SATL1: variants seen among roughly 807,000 people sequenced by gnomAD.
The protein encoded by SATL1 is spermidine/spermine N(1)-acetyltransferase-like protein 1.
A neutral mutation model predicts 51.8 loss-of-function variants in SATL1; 47 were observed. The ratio of observed to expected loss-of-function variants is 0.91; its 90% CI spans 0.72 to 1.16. SATL1 has a LOEUF of 1.16. Ranked by LOEUF, SATL1 falls within the 50% of genes most tolerant of loss-of-function variation. The pLI is 0.00. For synonymous variants in SATL1, 176 were observed against 182.4 expected (o/e 0.97, Z 0.28); for missense variants, 520 against 526.4 (o/e 0.99, Z 0.12).
At chrX:85,236,558 C>T (rs1291145067) in intron 1 of SATL1, among the ~76,000 whole-genome samples, 4 of 111,428 alleles carry the variant, frequency 3.6e-5, no homozygotes, top group Non-Finnish European at 5.7e-5. Context: ...CGATGTGATA[C>T]ATCATACTAA....
At position 85,107,763 on chromosome X, in the gene SATL1, G is replaced by A. The variant is rs1239787554; in HGVS notation, c.1206C>T (p.Ser402=). 8.3e-7 allele frequency: 1 copy of A among 1,209,891 alleles called. No individual in the cohort carries two copies. The highest frequency in any genetic ancestry group is 1.1e-6 in the Non-Finnish European group (1 of 895,170). The change falls in exon 3 of 8, where the codon AGC becomes AGT. Residue 402 remains serine (S), a synonymous_variant. Coordinates refer to ENST00000644105, the MANE Select transcript of SATL1 (RefSeq NM_001367857.2). ...SQPSMRQVGT[S]QSGTSQIGMS... is the part of the protein sequence containing the mutation. ...TGCCTATTTGGCTTGTGCCTGATTGGCTGGTGCCTACTTGTCTCATGCTTG... is the reference window on the plus strand; with the variant it reads ...TGCCTATTTGGCTTGTGCCTGATTGACTGGTGCCTACTTGTCTCATGCTTG...
chrX:85,156,864 TATATAA>T (rs1183637863), intron 2 of SATL1, among the ~76,000 whole-genome samples: 26 of 49,103 alleles, frequency 5.3e-4, no homozygotes, highest in African/African-American at 2.0e-3. Context: ...TATATATATA[TATATAA>T]AATATGTAAA....
intron 2 of SATL1, among the ~76,000 whole-genome samples, chrX:85,153,016 C>T (rs1193957150): frequency 1.8e-5 from 2 of 109,665 alleles, no homozygotes; most frequent in African/African-American, 6.6e-5. Context: ...AATACATCGA[C>T]ATTTCTATGT....
chrX:85,161,960 A>T (rs746075200), intron 2 of SATL1, among the ~76,000 whole-genome samples: 1 of 111,705 alleles, frequency 9.0e-6, no homozygotes, highest in South Asian at 3.8e-4. Flanking sequence ...CGTACCAACC[A>T]CTCTCTCAGA....
intron 2 of SATL1, chrX:85,116,330 C>T (rs866391841): frequency 9.0e-6 from 1 of 111,725 alleles, no homozygotes; most frequent in Non-Finnish European, 1.9e-5. Flanking sequence ...AATTAATGTA[C>T]ACTTGGAAGA....
rs767206933 is a variant in SATL1 at position 85,212,441 on chromosome X, G to C, written c.-313+11764C>G. Among the ~76,000 whole-genome samples the C allele has an allele frequency of 2.7e-5, 3 of 111,215 alleles. No individual in the cohort carries two copies. In the East Asian group the frequency reaches 8.5e-4, roughly 32 times the overall value. On this transcript the variant is annotated intron_variant, in intron 2 of 7. Transcript: ENST00000644105. ...GAACACAGAAAATATTCCTTAACAA[G>C]AACCCTAGTTTGAGTGAGAAATAGA...
At position 85,147,773 on chromosome X, in the gene SATL1, G is replaced by A. The variant is rs1218947425; in HGVS notation, c.-312-38493C>T. Among the ~76,000 whole-genome samples, 7 of 112,181 alleles carry A rather than the reference G, an allele frequency of 6.2e-5. No homozygotes were observed. In the East Asian group the frequency reaches 2.0e-3, roughly 31 times the overall value. Reference sequence around the variant, plus strand: ...CTGCAGCTGAGGGTCCTGTCTGTTAGAAGGGAAACTAACAAACAGAAAGGA... The same window carrying A: ...CTGCAGCTGAGGGTCCTGTCTGTTAAAAGGGAAACTAACAAACAGAAAGGA... On this transcript the variant is annotated intron_variant, in intron 2 of 7. Coordinates refer to ENST00000644105, the MANE Select transcript of SATL1 (RefSeq NM_001367857.2).
chrX:85,152,521 T>C (rs763075334), intron 2 of SATL1, among the ~76,000 whole-genome samples: 53 of 111,546 alleles, frequency 4.8e-4, no homozygotes, highest in Non-Finnish European at 7.5e-4. Flanking sequence ...TGCACACGTA[T>C]GTTTATTGCG....
At chrX:85,132,736 C>G (rs112434588) in intron 2 of SATL1, among the ~76,000 whole-genome samples, 16,225 of 111,116 alleles carry the variant, frequency 0.15, 1,269 homozygotes, top group African/African-American at 0.29. Flanking sequence ...GGGGCACTCT[C>G]GTTTTTAGAG....
At chrX:85,118,019 G>A (rs1424924999) in intron 2 of SATL1, among the ~76,000 whole-genome samples, 2 of 106,572 alleles carry the variant, frequency 1.9e-5, no homozygotes, top group African/African-American at 3.4e-5. Context: ...AACGCAAGAT[G>A]GATCTGGGGG....
At chrX:85,128,545 T>A (rs1172459824) in intron 2 of SATL1, among the ~76,000 whole-genome samples, 1 of 112,486 alleles carries the variant, frequency 8.9e-6, no homozygotes, top group Non-Finnish European at 1.9e-5. Flanking sequence ...TTCTGGATAT[T>A]AGCCCTTTGT....
At chrX:85,125,860 A>T (rs1026308848) in intron 2 of SATL1, among the ~76,000 whole-genome samples, 1 of 110,400 alleles carries the variant, frequency 9.1e-6, no homozygotes, top group East Asian at 2.8e-4. Context: ...ATGAATTATG[A>T]TCTGTCTTCT....
intron 2 of SATL1, among the ~76,000 whole-genome samples, chrX:85,180,492 T>C (rs1187685648): frequency 2.7e-5 from 3 of 111,437 alleles, no homozygotes; most frequent in African/African-American, 9.8e-5. Context: ...AACACAATGG[T>C]ATGTGTGTAT....
intron 2 of SATL1, among the ~76,000 whole-genome samples, chrX:85,185,095 G>T (rs1927285040): frequency 8.9e-6 from 1 of 112,086 alleles, no homozygotes; most frequent in African/African-American, 3.2e-5. Context: ...GCCCCATAGT[G>T]GTACCACCTT....
Position 85,109,023 on chromosome X carries a change from G to A in SATL1, c.-55C>T. 9.4e-7 allele frequency: 1 copy of A among 1,061,419 alleles called. No individual in the cohort carries two copies. Among genetic ancestry groups the A allele is most frequent in the South Asian group, 2.1e-5 (1 of 47,144 alleles). The allele number at this position is 1,061,419 out of a possible 1,213,427, so 87.5% of individuals were successfully genotyped here. On this transcript the variant is annotated 5_prime_UTR_variant, in exon 3 of 8. Coordinates refer to ENST00000644105, the MANE Select transcript of SATL1 (RefSeq NM_001367857.2). ...GGATGGGGTGGCAGATGATGGGTTGGCAGACAACTGATTGGCTGATGGCTG... is the reference window on the plus strand; with the variant it reads ...GGATGGGGTGGCAGATGATGGGTTGACAGACAACTGATTGGCTGATGGCTG...
chrX:85,185,186 A>G (rs935128547), intron 2 of SATL1, among the ~76,000 whole-genome samples: 1 of 112,042 alleles, frequency 8.9e-6, no homozygotes, highest in African/African-American at 3.2e-5. Flanking sequence ...CATTTCCCTC[A>G]GTCTCTCTCT....
chrX:85,133,630 G>T (rs934886627), intron 2 of SATL1, among the ~76,000 whole-genome samples: 1 of 111,777 alleles, frequency 8.9e-6, no homozygotes, highest in African/African-American at 3.3e-5. Flanking sequence ...GCCCCACCCT[G>T]CTTCATCTTG....
At chrX:85,093,285 T>C in intron 6 of SATL1, 60 bp from the exon 7 acceptor site, 9 of 1,042,138 alleles carry the variant, frequency 8.6e-6, no homozygotes, top group Non-Finnish European at 1.2e-5. Flanking sequence ...TTATTTGCTT[T>C]AGTTTAAAAT....
At chrX:85,224,350 A>G (rs1928234551) in intron 1 of SATL1, 24 bp from the exon 2 acceptor site, 1 of 111,138 alleles carries the variant, frequency 9.0e-6, no homozygotes, top group South Asian at 3.8e-4. Flanking sequence ...CAAGATCTTT[A>G]TTTAACTTAA....
Sources: gnomAD v4.1 joint callset for allele counts (sites outside exome capture counted in the v4.1 genomes callset) on GRCh38, gnomAD v4.1.1 for gene constraint, MANE v1.5 for transcripts, NCBI Gene and HGNC (gene_info 2026-07-23, HGNC 2026-07-21) for gene names.